Variants in PDE4D observed in about 807,000 individuals in gnomAD.
PDE4D encodes 3',5'-cyclic-AMP phosphodiesterase 4D.
A neutral mutation model predicts 87.4 loss-of-function variants in PDE4D; 24 were observed. The ratio of observed to expected loss-of-function variants is 0.27; its 90% CI spans 0.20 to 0.39. PDE4D has a LOEUF of 0.39. Among genes scored for constraint, PDE4D ranks in the 10% least tolerant of loss-of-function variants. The probability of loss-of-function intolerance (pLI) is 1.00; values close to 1 mark genes in which losing one functional copy is unlikely to be tolerated. For missense variants in PDE4D, 714 were observed against 1,041.0 expected, an observed-to-expected ratio of 0.69 and a Z score of 4.32; for synonymous variants, 384 against 383.2, an observed-to-expected ratio of 1.00 and a Z score of -0.02.
At chr5:59,744,310 T>C (rs1759294499) in intron 1 of PDE4D, among the ~76,000 whole-genome samples, 1 of 152,142 alleles carries the variant, frequency 6.6e-6, no homozygotes, top group Admixed American at 6.5e-5. Flanking sequence ...GAGTTAATTG[T>C]GACTGTAATA....
chr5:59,000,480 A>G (rs1328479722), intron 6 of PDE4D, among the ~76,000 whole-genome samples: 2 of 152,144 alleles, frequency 1.3e-5, no homozygotes, highest in Admixed American at 6.5e-5. Context: ...TGGCAATGAC[A>G]CATTCCCTCA....
At chr5:60,303,681 T>C (rs1237993579) in intron 1 of PDE4D, among the ~76,000 whole-genome samples, 2 of 152,220 alleles carry the variant, frequency 1.3e-5, no homozygotes, top group African/African-American at 4.8e-5. Context: ...TGATTTCAGT[T>C]GTTTTGCATT....
At chr5:59,144,579 T>C (rs1427550263) in intron 5 of PDE4D, among the ~76,000 whole-genome samples, 3 of 152,232 alleles carry the variant, frequency 2.0e-5, no homozygotes, top group African/African-American at 7.2e-5. Context: ...TCATAGTTAA[T>C]TGGCTGATAT....
intron 1 of PDE4D, among the ~76,000 whole-genome samples, chr5:59,254,154 C>G: frequency 6.6e-6 from 1 of 152,148 alleles, no homozygotes; most frequent in East Asian, 1.9e-4. Flanking sequence ...ACTCCCTCTT[C>G]CAGTCACCAA....
intron 1 of PDE4D, among the ~76,000 whole-genome samples, chr5:59,674,042 T>C (rs1451239900): frequency 6.6e-6 from 1 of 152,214 alleles, no homozygotes; most frequent in African/African-American, 2.4e-5. Context: ...TTTATTTCTC[T>C]AGTGATGCCC....
At chr5:59,067,627 A>G (rs1172337296) in intron 5 of PDE4D, among the ~76,000 whole-genome samples, 1 of 152,078 alleles carries the variant, frequency 6.6e-6, no homozygotes, top group Non-Finnish European at 1.5e-5. Context: ...CAAATGACAA[A>G]TTTTTTTCCA....
intron 5 of PDE4D, among the ~76,000 whole-genome samples, chr5:59,046,823 G>A (rs1037389944): frequency 6.6e-6 from 1 of 152,188 alleles, no homozygotes; most frequent in African/African-American, 2.4e-5. Context: ...CAAAAAATTG[G>A]AGTTTGAGCT....
At chr5:60,424,530 T>C (rs1452645544) in intron 1 of PDE4D, among the ~76,000 whole-genome samples, 1 of 152,154 alleles carries the variant, frequency 6.6e-6, no homozygotes, top group African/African-American at 2.4e-5. Flanking sequence ...ATGGAATGTA[T>C]CTCCAAATAG....
At chr5:60,307,342 A>G (rs1176093733) in intron 1 of PDE4D, among the ~76,000 whole-genome samples, 1 of 152,216 alleles carries the variant, frequency 6.6e-6, no homozygotes, top group Non-Finnish European at 1.5e-5. Context: ...GCTCTAGACA[A>G]GAAAGACAAA....
At chr5:59,437,417 G>A (rs530590125) in intron 1 of PDE4D, among the ~76,000 whole-genome samples, 1 of 152,274 alleles carries the variant, frequency 6.6e-6, no homozygotes, top group Admixed American at 6.5e-5. Flanking sequence ...ATTTCCAACA[G>A]TAGGAACCAG....
chr5:59,571,343 CT>C (rs974285452), intron 1 of PDE4D, among the ~76,000 whole-genome samples: 3 of 152,236 alleles, frequency 2.0e-5, no homozygotes, highest in South Asian at 4.2e-4. Context: ...GGTCATTTCC[CT>C]TTTTTTCTTG....
intron 1 of PDE4D, among the ~76,000 whole-genome samples, chr5:59,395,158 G>T (rs1789127120): frequency 2.0e-5 from 3 of 151,648 alleles, no homozygotes; most frequent in Admixed American, 2.0e-4. Flanking sequence ...TGGGGGAGGG[G>T]CGCCCACCAT....
chr5:59,191,886 T>A (rs1157000315), intron 3 of PDE4D, among the ~76,000 whole-genome samples: 3 of 152,238 alleles, frequency 2.0e-5, no homozygotes, highest in Non-Finnish European at 4.4e-5. Context: ...TTTTCAATAG[T>A]AATCAATTAA....
intron 5 of PDE4D, among the ~76,000 whole-genome samples, chr5:59,164,106 CA>C (rs929104344): frequency 6.6e-6 from 1 of 152,198 alleles, no homozygotes; most frequent in Admixed American, 6.5e-5. Context: ...ATTGCTTGCA[CA>C]TGAAAATATT....
intron 1 of PDE4D, among the ~76,000 whole-genome samples, chr5:60,447,735 A>G (rs1271229197): frequency 6.6e-6 from 1 of 152,122 alleles, no homozygotes; most frequent in Non-Finnish European, 1.5e-5. Context: ...AGTGTGTATT[A>G]GCAGGGGCAA....
At chr5:59,232,477 G>A (rs540159311) in intron 1 of PDE4D, among the ~76,000 whole-genome samples, 2 of 147,274 alleles carry the variant, frequency 1.4e-5, no homozygotes, top group Admixed American at 1.4e-4. Flanking sequence ...CCACAGTGAG[G>A]TATCTTACCT....
At chr5:59,956,925 T>A (rs1758895394) in intron 3 of PDE4D, among the ~76,000 whole-genome samples, 1 of 152,200 alleles carries the variant, frequency 6.6e-6, no homozygotes, top group Non-Finnish European at 1.5e-5. Context: ...CAATTTCTAA[T>A]GTTCTAAATT....
At chr5:59,027,785 G>A (rs948598568) in intron 6 of PDE4D, among the ~76,000 whole-genome samples, 5 of 151,878 alleles carry the variant, frequency 3.3e-5, no homozygotes, top group Non-Finnish European at 7.4e-5. Context: ...CTAGAAATCA[G>A]CTATTTTTTT....
intron 2 of PDE4D, among the ~76,000 whole-genome samples, chr5:60,052,511 A>G (rs1402959500): frequency 1.3e-5 from 2 of 152,152 alleles, no homozygotes; most frequent in African/African-American, 4.8e-5. Context: ...AAAACTCTCA[A>G]TACACTAGGT....
Sources: allele counts gnomAD v4.1 joint callset (sites outside exome capture counted in the v4.1 genomes callset), GRCh38; gene constraint gnomAD v4.1.1; transcripts MANE v1.5; gene names NCBI Gene and HGNC (gene_info 2026-07-23, HGNC 2026-07-21).